Variants in GLRB observed in about 807,000 individuals in gnomAD.
GLRB encodes the protein glycine receptor subunit beta.
GLRB carries 33 observed loss-of-function variants against 54.2 expected under a neutral mutation model. That is an observed-to-expected ratio of 0.61 (90% CI 0.46 to 0.81). The LOEUF (loss-of-function observed/expected upper bound fraction) is 0.81, where lower values mean the gene tolerates loss of function less well. Among genes scored for constraint, GLRB ranks in the 40% least tolerant of loss-of-function variants. The probability of loss-of-function intolerance (pLI) is 0.00; values close to 1 mark genes in which losing one functional copy is unlikely to be tolerated. For synonymous variants in GLRB, 209 were observed against 208.2 expected (o/e 1.00, Z -0.03); for missense variants, 572 against 584.6 (o/e 0.98, Z 0.22).
intron 4 of GLRB, among the ~76,000 whole-genome samples, chr4:157,133,700 A>G (rs962306672): frequency 3.9e-5 from 6 of 152,022 alleles, no homozygotes; most frequent in African/African-American, 1.4e-4. Context: ...CTGAAAGTCT[A>G]TGATCTAATC....
Position 157,152,665 on chromosome 4 carries a change from G to GA in GLRB, c.905-51dup, listed in dbSNP as rs1737066105. On this transcript the variant is annotated intron_variant, in intron 8 of 9. Transcript: ENST00000264428. ...ATTTAGTCAAAGAGTAATGACCCCA[G>GA]AACATCTCATAGGGATAAAAAGCAA... 5 of 1,385,250 alleles carry GA rather than the reference G, an allele frequency of 3.6e-6. No individual in the cohort carries two copies. In the East Asian group the frequency reaches 1.1e-4, roughly 32 times the overall value. 85.8% of individuals were successfully genotyped at this position (1,385,250 alleles called of 1,614,324 possible).
chr4:157,114,519 A>C (rs1389992103), intron 2 of GLRB, among the ~76,000 whole-genome samples: 1 of 151,766 alleles, frequency 6.6e-6, no homozygotes, highest in Non-Finnish European at 1.5e-5. Flanking sequence ...TATTAATAGA[A>C]TATTAATAAG....
At chr4:157,118,944 G>A (rs1217086345) in intron 2 of GLRB, among the ~76,000 whole-genome samples, 1 of 151,350 alleles carries the variant, frequency 6.6e-6, no homozygotes, top group Admixed American at 6.6e-5. Context: ...TGTGTGTGTA[G>A]GTAATGGGAA....
intron 2 of GLRB, among the ~76,000 whole-genome samples, chr4:157,111,523 G>T (rs1024405486): frequency 4.6e-5 from 7 of 151,962 alleles, no homozygotes; most frequent in African/African-American, 1.7e-4. Context: ...GGTTTTAGGG[G>T]TGGGGATTAG....
chr4:157,076,254 C>T lies in GLRB; in HGVS notation c.-73C>T, dbSNP rs1734022982. 6.6e-6 allele frequency: 1 copy of T among 151,340 alleles called. No homozygotes were observed. Among genetic ancestry groups the T allele is most frequent in the African/African-American group, 2.4e-5 (1 of 41,370 alleles). 9.4% of individuals were successfully genotyped at this position (151,340 alleles called of 1,614,324 possible). A position where few individuals can be genotyped will look rare whatever the true frequency, so the allele number is the denominator to read the frequency against. On this transcript the variant is annotated 5_prime_UTR_variant, in exon 1 of 10. Coordinates refer to ENST00000264428, the MANE Select transcript of GLRB (RefSeq NM_000824.5). ...CAGCCACTGCCACCTGGGCCCGGAG[C>T]CTCCACGATCTCGCCCGGCGATTGT...
rs3756128 is a variant in GLRB at position 157,137,589 on chromosome 4, A to T, written c.610+703A>T. On this transcript the variant is annotated intron_variant, in intron 6 of 9. Transcript: ENST00000264428. ...GAGTAAAGAATAATTACCTGGCAAAACATCTTGCATATGTATTCTAGGTTA... is the reference window on the plus strand; with the variant it reads ...GAGTAAAGAATAATTACCTGGCAAATCATCTTGCATATGTATTCTAGGTTA... Among the ~76,000 whole-genome samples the T allele has an allele frequency of 6.2e-3, 940 of 152,194 alleles. 22 individuals are homozygous for T. In the East Asian group the frequency reaches 0.1, roughly 16 times the overall value.
intron 4 of GLRB, among the ~76,000 whole-genome samples, chr4:157,135,424 G>A (rs1736363682): frequency 6.6e-6 from 1 of 152,044 alleles, no homozygotes; most frequent in Non-Finnish European, 1.5e-5. Flanking sequence ...GTGGTGGGAG[G>A]GACCTGGTGG....
chr4:157,111,402 C>T lies in GLRB; in HGVS notation c.123-9154C>T, dbSNP rs1414250690. 2.0e-5 allele frequency among the ~76,000 whole-genome samples: 3 copies of T among 151,960 alleles called. No individual in the cohort carries two copies. The South Asian group carries it at 6.2e-4, about 31-fold the overall frequency. ...ACAGGAGAGATAGAAGACAGTCTCT[C>T]TGCTAGTATGTGCAAAAACTGAGAT... On this transcript the variant is annotated intron_variant, in intron 2 of 9. Coordinates refer to ENST00000264428, the MANE Select transcript of GLRB (RefSeq NM_000824.5).
intron 8 of GLRB, among the ~76,000 whole-genome samples, chr4:157,148,320 G>T (rs1408711302): frequency 6.6e-6 from 1 of 151,982 alleles, no homozygotes; most frequent in Non-Finnish European, 1.5e-5. Context: ...TATTTTCAAA[G>T]CACCAGCTTT....
At chr4:157,121,539 A>C (rs1164577469) in intron 3 of GLRB, among the ~76,000 whole-genome samples, 2 of 151,470 alleles carry the variant, frequency 1.3e-5, no homozygotes, top group African/African-American at 4.8e-5. Context: ...TATGTTGTAA[A>C]AATGGGTTTT....
chr4:157,121,169 A>G (rs1347715794), intron 3 of GLRB, among the ~76,000 whole-genome samples: 1 of 151,698 alleles, frequency 6.6e-6, no homozygotes, highest in Non-Finnish European at 1.5e-5. Flanking sequence ...TGGCCGTATG[A>G]TTTTTAAAAG....
chr4:157,097,845 A>AC lies in GLRB; in HGVS notation c.122+19703dup, dbSNP rs560397580. Reference sequence around the variant, plus strand: ...AGACCAGCCTGGCCACAATGGTGAAACCCCGTCTCTACTAAAAATACAAAA... The same window carrying AC: ...AGACCAGCCTGGCCACAATGGTGAAACCCCCGTCTCTACTAAAAATACAAAA... On this transcript the variant is annotated intron_variant, in intron 2 of 9. Coordinates refer to ENST00000264428, the MANE Select transcript of GLRB (RefSeq NM_000824.5). Among the ~76,000 whole-genome samples, 17 of 152,122 alleles carry AC rather than the reference A, an allele frequency of 1.1e-4. No individual in the cohort carries two copies. The East Asian group carries it at 3.3e-3, about 30-fold the overall frequency.
At chr4:157,129,210 T>C (rs1440390775) in intron 4 of GLRB, among the ~76,000 whole-genome samples, 2 of 151,790 alleles carry the variant, frequency 1.3e-5, no homozygotes, top group Non-Finnish European at 2.9e-5. Context: ...TGAATAGTAT[T>C]TGTCACCAGT....
At position 157,122,969 on chromosome 4, in the gene GLRB, C is replaced by T. The variant is rs17241100; in HGVS notation, c.297+572C>T. Among the ~76,000 whole-genome samples the T allele has an allele frequency of 5.9e-3, 893 of 151,650 alleles. 2 individuals carry two copies. Among genetic ancestry groups the T allele is most frequent in the Middle Eastern group, 0.017 (5 of 294 alleles). On this transcript the variant is annotated intron_variant, in intron 4 of 9. Transcript: ENST00000264428. ...ACTGGGAAGGAGTGACAAGCAGATT[C>T]GTGTCTTGAAAGGAATAGGAAAGAG... is the stretch of plus-strand genomic sequence containing the variant.
At chr4:157,095,955 A>C (rs1484710282) in intron 2 of GLRB, among the ~76,000 whole-genome samples, 2 of 152,182 alleles carry the variant, frequency 1.3e-5, no homozygotes, top group Non-Finnish European at 2.9e-5. Flanking sequence ...AGCTCACAAC[A>C]TAGGAACTTT....
At chr4:157,156,381 T>C (rs1264847741) in intron 9 of GLRB, among the ~76,000 whole-genome samples, 1 of 152,206 alleles carries the variant, frequency 6.6e-6, no homozygotes, top group Admixed American at 6.5e-5. Context: ...TTTGTAACTT[T>C]TGTACATTGA....
At chr4:157,106,413 G>A (rs1735226348) in intron 2 of GLRB, among the ~76,000 whole-genome samples, 1 of 152,076 alleles carries the variant, frequency 6.6e-6, no homozygotes, top group Non-Finnish European at 1.5e-5. Flanking sequence ...TATCTTGAGA[G>A]CTCGTAAAGC....
At position 157,101,730 on chromosome 4, in the gene GLRB, A is replaced by G. The variant is rs976367103; in HGVS notation, c.123-18826A>G. Among the ~76,000 whole-genome samples, 5 of 149,694 alleles carry G rather than the reference A, an allele frequency of 3.3e-5. No individual in the cohort carries two copies. In the South Asian group the frequency reaches 6.3e-4, roughly 19 times the overall value. ...AAAGAGAAATGCCAACACATTTCTT[A>G]ACCCTACACCCATCTCTAGTTTTCA... On this transcript the variant is annotated intron_variant, in intron 2 of 9. Coordinates refer to ENST00000264428, the MANE Select transcript of GLRB (RefSeq NM_000824.5).
Position 157,146,608 on chromosome 4 carries a change from C to T in GLRB, c.904+2649C>T, listed in dbSNP as rs551149272. 3.9e-4 allele frequency among the ~76,000 whole-genome samples: 60 copies of T among 152,098 alleles called. No homozygotes were observed. In the South Asian group the frequency reaches 6.6e-3, roughly 17 times the overall value. On this transcript the variant is annotated intron_variant, in intron 8 of 9. Coordinates refer to ENST00000264428, the MANE Select transcript of GLRB (RefSeq NM_000824.5). Reference sequence around the variant, plus strand: ...CAAAGGTGGGCAAATCACCTGAGGTCAGGAGTTGGAGACCAGCCTTGCCAA... The same window carrying T: ...CAAAGGTGGGCAAATCACCTGAGGTTAGGAGTTGGAGACCAGCCTTGCCAA...
Sources: allele counts gnomAD v4.1 joint callset (sites outside exome capture counted in the v4.1 genomes callset), GRCh38; gene constraint gnomAD v4.1.1; transcripts MANE v1.5; gene names NCBI Gene and HGNC (gene_info 2026-07-23, HGNC 2026-07-21).